The following MYOM1 variants were observed in gnomAD, a reference collection of about 807,000 sequenced individuals.
MYOM1 encodes the protein myomesin-1.
MYOM1 carries 164 observed loss-of-function variants against 205.3 expected under a neutral mutation model. That is an observed-to-expected ratio of 0.80 (90% CI 0.70 to 0.91). The LOEUF (loss-of-function observed/expected upper bound fraction) is 0.91, where lower values mean the gene tolerates loss of function less well. Ranked by LOEUF, MYOM1 falls within the 40% of genes least tolerant of loss-of-function variation. The pLI is 0.00. For missense variants in MYOM1, 2,011 were observed against 2,127.3 expected (o/e 0.95, Z 1.08); for synonymous variants, 772 against 789.4 (o/e 0.98, Z 0.37).
At chr18:3,125,480 G>A (rs758287047) in intron 19 of MYOM1, among the ~76,000 whole-genome samples, 26 of 151,680 alleles carry the variant, frequency 1.7e-4, no homozygotes, top group Non-Finnish European at 2.8e-4. Flanking sequence ...TTGTATAGGC[G>A]CAGTGGCTCA....
chr18:3,132,454 CAT>C (rs1230603993), intron 16 of MYOM1, among the ~76,000 whole-genome samples: 1 of 152,028 alleles, frequency 6.6e-6, no homozygotes, highest in Non-Finnish European at 1.5e-5. Context: ...CCAGCCAACT[CAT>C]ATATATTTTT....
At chr18:3,075,819 G>T in intron 34 of MYOM1, 58 bp from the exon 35 acceptor site, 1 of 1,466,902 alleles carries the variant, frequency 6.8e-7, no homozygotes, top group South Asian at 1.2e-5. Flanking sequence ...GACACACAGG[G>T]GCGATTAAAA....
intron 10 of MYOM1, among the ~76,000 whole-genome samples, chr18:3,159,175 G>T (rs923007356): frequency 2.0e-5 from 3 of 152,050 alleles, no homozygotes; most frequent in Admixed American, 1.3e-4. Context: ...GCAGACTTAC[G>T]GATGGCTTTA....
At chr18:3,145,731 C>T (rs890429811) in intron 13 of MYOM1, among the ~76,000 whole-genome samples, 1 of 151,374 alleles carries the variant, frequency 6.6e-6, no homozygotes, top group South Asian at 2.1e-4. Context: ...AGAAAAAAAC[C>T]CAGCAAATTA....
At chr18:3,094,674 T>C (rs781505516) in intron 25 of MYOM1, among the ~76,000 whole-genome samples, 4 of 152,044 alleles carry the variant, frequency 2.6e-5, no homozygotes, top group African/African-American at 4.8e-5. Flanking sequence ...TTTTCTTTTT[T>C]TTTTTGCAAT....
chr18:3,160,117 C>T lies in MYOM1; in HGVS notation c.1501+4161G>A, dbSNP rs202066677. 3.2e-3 allele frequency among the ~76,000 whole-genome samples: 415 copies of T among 130,066 alleles called. 4 individuals carry two copies. Among genetic ancestry groups the T allele is most frequent in the African/African-American group, 0.011 (365 of 33,232 alleles). The allele number at this position is 130,066 out of a possible 152,430, so 85.3% of individuals were successfully genotyped here. A position where few individuals can be genotyped will look rare whatever the true frequency, so the allele number is the denominator to read the frequency against. On this transcript the variant is annotated intron_variant, in intron 10 of 37. Transcript: ENST00000356443. ...TTCTCCTCCTCCTTCTTCTTCTTCT[C>T]TTCCTCCTCCTCCTCCTCCTTCCTT...
At chr18:3,095,772 A>G (rs923124359) in intron 25 of MYOM1, among the ~76,000 whole-genome samples, 2 of 151,832 alleles carry the variant, frequency 1.3e-5, no homozygotes, top group African/African-American at 2.4e-5. Flanking sequence ...TCTCTTCTGT[A>G]TTCCTCTTGG....
intron 12 of MYOM1, 42 bp from the exon 13 acceptor site, chr18:3,149,243 G>A (rs754713706): frequency 2.6e-6 from 4 of 1,561,256 alleles, no homozygotes; most frequent in South Asian, 2.3e-5. Context: ...GTTTACAAGT[G>A]TGCAATTTAT....
chr18:3,147,397 C>G (rs2080144918), intron 13 of MYOM1, among the ~76,000 whole-genome samples: 1 of 151,870 alleles, frequency 6.6e-6, no homozygotes, highest in African/African-American at 2.4e-5. Flanking sequence ...AATGGAGATA[C>G]AGGCTATGTT....
At chr18:3,225,621 C>G in the MYOM1 span, among the ~76,000 whole-genome samples, 1 of 152,182 alleles carries the variant, frequency 6.6e-6, no homozygotes, top group Admixed American at 6.5e-5. Context: ...TAGACTACTC[C>G]TTTTGGAGGT....
chr18:3,085,960 C>A, intron 30 of MYOM1, 78 bp downstream of exon 30: 1 of 852,158 alleles, frequency 1.2e-6, no homozygotes, highest in Non-Finnish European at 1.9e-6. Context: ...GAAAGGAATA[C>A]AGAATCTAGT....
intron 10 of MYOM1, among the ~76,000 whole-genome samples, chr18:3,156,530 T>C (rs2080304011): frequency 6.6e-6 from 1 of 152,162 alleles, no homozygotes; most frequent in Admixed American, 6.5e-5. Context: ...AACTAACTCA[T>C]TGTGCCTAAA....
At chr18:3,239,043 T>C in the MYOM1 span, among the ~76,000 whole-genome samples, 1 of 152,238 alleles carries the variant, frequency 6.6e-6, no homozygotes, top group Non-Finnish European at 1.5e-5. Context: ...TTGATTCTCC[T>C]CTGCTGTGTA....
chr18:3,198,653 G>C (rs376923169), intron 2 of MYOM1, among the ~76,000 whole-genome samples: 1 of 151,938 alleles, frequency 6.6e-6, no homozygotes, highest in Non-Finnish European at 1.5e-5. Context: ...GCGTGGTGGC[G>C]GGCGCCTGTA....
Position 3,155,100 on chromosome 18 carries a change from G to A in MYOM1, c.1502-12C>T, listed in dbSNP as rs201937304. On this transcript the variant is annotated splice_polypyrimidine_tract_variant and intron_variant, in intron 10 of 37. Coordinates refer to ENST00000356443, the MANE Select transcript of MYOM1 (RefSeq NM_003803.4). ...CTCTGCATCAGCATCTGTGGAGACAGAGAAGGATCCCATTAACCCTCTCAG... is the reference window on the plus strand; with the variant it reads ...CTCTGCATCAGCATCTGTGGAGACAAAGAAGGATCCCATTAACCCTCTCAG... 6.8e-4 allele frequency: 1,090 copies of A among 1,605,816 alleles called. 13 individuals are homozygous for A. In the South Asian group the frequency reaches 9.3e-3, roughly 14 times the overall value.
At chr18:3,122,897 C>A (rs1300093595) in intron 19 of MYOM1, among the ~76,000 whole-genome samples, 13 of 152,150 alleles carry the variant, frequency 8.5e-5, no homozygotes, top group Admixed American at 8.5e-4. Context: ...CTACAAAACA[C>A]CTGTAACACA....
chr18:3,214,840 C>T (rs1037619891), intron 2 of MYOM1, 94 bp downstream of exon 2: 7 of 1,405,654 alleles, frequency 5.0e-6, no homozygotes, highest in African/African-American at 1.4e-5. Flanking sequence ...AAACCAAAAC[C>T]GAACCGAAAC....
chr18:3,124,054 C>G (rs897137941), intron 19 of MYOM1, among the ~76,000 whole-genome samples: 6 of 151,338 alleles, frequency 4.0e-5, no homozygotes, highest in Admixed American at 3.9e-4. Flanking sequence ...CCAGGCTGGT[C>G]TCAAACTCCT....
chr18:3,086,046 T>A lies in MYOM1; in HGVS notation c.4243A>T (p.Ile1415Leu), dbSNP rs190368385. ...CATTTATAATCGCCTACCTCTGTTA[T>A]AAGCAGGGTACATATACCATCCTTA... ...DFKDGICTLL[I>L]TEFSKKDAGI... The change falls in exon 30 of 38, where the codon ATA (isoleucine) becomes TTA (leucine). Residue 1415 changes from isoleucine to leucine, a missense_variant. Coordinates refer to ENST00000356443, the MANE Select transcript of MYOM1 (RefSeq NM_003803.4). 6.3e-7 allele frequency: 1 copy of A among 1,597,796 alleles called. No homozygotes were observed. The highest frequency in any genetic ancestry group is 8.6e-7 in the Non-Finnish European group (1 of 1,168,214).
Sources: gnomAD v4.1 joint callset for allele counts (sites outside exome capture counted in the v4.1 genomes callset) on GRCh38, gnomAD v4.1.1 for gene constraint, MANE v1.5 for transcripts, NCBI Gene and HGNC (gene_info 2026-07-23, HGNC 2026-07-21) for gene names.